Variants in CUL5 observed in about 807,000 individuals in gnomAD.
CUL5 encodes the protein cullin-5.
CUL5 carries 26 observed loss-of-function variants against 108.8 expected under a neutral mutation model. That is an observed-to-expected ratio of 0.24 (90% CI 0.18 to 0.33). The LOEUF is 0.33. Among genes scored for constraint, CUL5 ranks in the 10% least tolerant of loss-of-function variants. The pLI, the probability that CUL5 is intolerant of heterozygous loss-of-function variation, is 1.00. For synonymous variants in CUL5, 334 were observed against 298.0 expected, an observed-to-expected ratio of 1.12 and a Z score of -1.25; for missense variants, 524 against 909.2, an observed-to-expected ratio of 0.58 and a Z score of 5.45.
intron 5 of CUL5, among the ~76,000 whole-genome samples, chr11:108,053,219 C>T (rs968696754): frequency 5.9e-5 from 9 of 152,198 alleles, no homozygotes; most frequent in African/African-American, 1.4e-4. Flanking sequence ...TTCTTCCCCA[C>T]GCTTCATCCT....
intron 11 of CUL5, among the ~76,000 whole-genome samples, chr11:108,082,285 TG>T (rs1864107337): frequency 6.8e-6 from 1 of 146,228 alleles, no homozygotes; most frequent in Admixed American, 6.8e-5. Flanking sequence ...TCTTTCTTTC[TG>T]TTTTTTTTTT....
intron 9 of CUL5, among the ~76,000 whole-genome samples, chr11:108,073,119 G>T (rs1192425143): frequency 3.3e-5 from 5 of 151,490 alleles, no homozygotes; most frequent in African/African-American, 1.2e-4. Context: ...GGAGAATGGC[G>T]TGAACCCAGG....
intron 1 of CUL5, among the ~76,000 whole-genome samples, chr11:108,029,031 A>G (rs2135074835): frequency 6.6e-6 from 1 of 152,306 alleles, no homozygotes; most frequent in African/African-American, 2.4e-5. Context: ...CCTTGAATAC[A>G]TTAAGCATGT....
intron 4 of CUL5, 150 bp downstream of exon 4, chr11:108,050,216 T>C (rs1863177490): frequency 5.0e-6 from 3 of 596,562 alleles, no homozygotes; most frequent in East Asian, 5.9e-5. Context: ...TTGAATAATA[T>C]TCTTTTTTGT....
chr11:108,036,558 A>G (rs969210542), intron 2 of CUL5, among the ~76,000 whole-genome samples: 2 of 152,164 alleles, frequency 1.3e-5, no homozygotes, highest in African/African-American at 4.8e-5. Flanking sequence ...AGCTCACTGC[A>G]ACCTCCACCT....
chr11:108,094,651 A>G (rs1234964589), intron 14 of CUL5, 137 bp downstream of exon 14: 9 of 774,300 alleles, frequency 1.2e-5, no homozygotes, highest in Admixed American at 3.4e-5. Flanking sequence ...ACAGCTATCA[A>G]AGCAGTGTGT....
At chr11:108,013,392 T>C (rs1414237187) in intron 1 of CUL5, among the ~76,000 whole-genome samples, 2 of 152,250 alleles carry the variant, frequency 1.3e-5, no homozygotes, top group East Asian at 3.8e-4. Context: ...ACCATATCAC[T>C]TTCCTGTTCA....
At chr11:108,060,241 T>C (rs1863500279) in intron 7 of CUL5, among the ~76,000 whole-genome samples, 1 of 152,086 alleles carries the variant, frequency 6.6e-6, no homozygotes, top group Non-Finnish European at 1.5e-5. Flanking sequence ...TGATCCAGAC[T>C]TTTGTAGTGC....
chr11:108,018,085 A>G (rs1445763930), intron 1 of CUL5, among the ~76,000 whole-genome samples: 1 of 152,078 alleles, frequency 6.6e-6, no homozygotes, highest in Non-Finnish European at 1.5e-5. Context: ...CCATCTCAAG[A>G]CTTTGTCTCT....
intron 7 of CUL5, among the ~76,000 whole-genome samples, chr11:108,058,794 C>T (rs189289165): frequency 4.1e-4 from 63 of 152,216 alleles, no homozygotes; most frequent in Non-Finnish European, 7.8e-4. Context: ...AGGAGAGCCA[C>T]TTAGACCCTA....
intron 7 of CUL5, among the ~76,000 whole-genome samples, chr11:108,057,179 G>A (rs1039674443): frequency 6.6e-6 from 1 of 152,044 alleles, no homozygotes; most frequent in Non-Finnish European, 1.5e-5. Flanking sequence ...CTACAGGTAC[G>A]TGCCACTACA....
At chr11:108,059,172 C>T (rs895815147) in intron 7 of CUL5, among the ~76,000 whole-genome samples, 1 of 152,090 alleles carries the variant, frequency 6.6e-6, no homozygotes, top group African/African-American at 2.4e-5. Flanking sequence ...GCAACCACAC[C>T]CAGCTTTAAG....
At chr11:108,052,867 G>A in intron 5 of CUL5, 66 bp downstream of exon 5, 1 of 1,395,048 alleles carries the variant, frequency 7.2e-7, no homozygotes, top group Middle Eastern at 1.8e-4. Context: ...TTATGGAATA[G>A]CACAATCAAA....
At position 108,009,274 on chromosome 11, in the gene CUL5, C is replaced by T. The variant is rs1211125739; in HGVS notation, c.-75C>T. 1.3e-6 allele frequency: 2 copies of T among 1,566,004 alleles called. No individual in the cohort carries two copies. The highest frequency in any genetic ancestry group is 1.1e-5 in the South Asian group (1 of 88,884). On this transcript the variant is annotated 5_prime_UTR_variant, in exon 1 of 19. Coordinates refer to ENST00000393094, the MANE Select transcript of CUL5 (RefSeq NM_003478.6). ...CGGGCCCTGGGCCCTGGTGGGAGCT[C>T]CGGCCTCCGGTCAAGGCCTGGCCGG...
At chr11:108,019,848 A>G (rs1862286345) in intron 1 of CUL5, among the ~76,000 whole-genome samples, 1 of 152,188 alleles carries the variant, frequency 6.6e-6, no homozygotes. Flanking sequence ...TTTGGCCCAC[A>G]GTTCTGTAGG....
intron 7 of CUL5, among the ~76,000 whole-genome samples, chr11:108,067,833 G>C (rs187136208): frequency 6.6e-6 from 1 of 152,144 alleles, no homozygotes; most frequent in African/African-American, 2.4e-5. Flanking sequence ...TGATGTTATA[G>C]AATAAGATTA....
rs1864014166 is a variant in CUL5, at chr11:108,079,336, C to T, written c.1178+1096C>T. Among the ~76,000 whole-genome samples, 6 of 152,234 alleles carry T rather than the reference C, an allele frequency of 3.9e-5. No individual in the cohort carries two copies. The South Asian group carries it at 1.2e-3, about 32-fold the overall frequency. ...GGCCAGGCTGGTCTTGAACTCCTGA[C>T]CTCAAGTGATCCGCCCACCTCAGCC... On this transcript the variant is annotated intron_variant, in intron 11 of 18. Coordinates refer to ENST00000393094, the MANE Select transcript of CUL5 (RefSeq NM_003478.6).
chr11:108,084,784 G>A (rs1864181734), intron 11 of CUL5: 1 of 152,204 alleles, frequency 6.6e-6, no homozygotes, highest in African/African-American at 2.4e-5. Context: ...TTCATACCCA[G>A]TAGGATGACT....
intron 10 of CUL5, among the ~76,000 whole-genome samples, chr11:108,076,835 C>G (rs1307383054): frequency 1.3e-5 from 2 of 152,170 alleles, no homozygotes; most frequent in African/African-American, 4.8e-5. Context: ...GGATGACACT[C>G]AGATTCGTGT....
Sources: gnomAD v4.1 joint callset for allele counts (sites outside exome capture counted in the v4.1 genomes callset) on GRCh38, gnomAD v4.1.1 for gene constraint, MANE v1.5 for transcripts, NCBI Gene and HGNC (gene_info 2026-07-23, HGNC 2026-07-21) for gene names.